The following NPTXR variants were observed in gnomAD, a reference collection of about 807,000 sequenced individuals.
NPTXR encodes the protein neuronal pentraxin receptor.
In NPTXR, 12 loss-of-function variants were observed where a neutral mutation model predicts 32.2. The observed-to-expected ratio is 0.37, with a 90% CI of 0.24 to 0.60. NPTXR has a LOEUF of 0.60. Among genes scored for constraint, NPTXR ranks in the 20% least tolerant of loss-of-function variants. NPTXR has a pLI of 0.66. For missense variants in NPTXR, 612 were observed against 682.9 expected (o/e 0.90, Z 1.16); for synonymous variants, 323 against 315.8 (o/e 1.02, Z -0.24).
Position 38,823,166 on chromosome 22 carries a change from C to A in NPTXR, c.1195G>T (p.Gly399Trp), listed in dbSNP as rs771367258. Residue 399 changes from glycine (G) to tryptophan (W), a missense_variant, in exon 4 of 5, where the codon GGG becomes TGG. Gly to Trp is a radical substitution (Grantham distance 184). Coordinates refer to ENST00000333039, the MANE Select transcript of NPTXR (RefSeq NM_014293.4). ...TTCTCACCGGAGCCCTGCAGCTCCC[C>A]GTCCTGGTAGGCAGACCATAGGCCA... is the stretch of plus-strand genomic sequence containing the variant. The A allele has an allele frequency of 3.1e-6, 5 of 1,614,076 alleles. No homozygotes were observed. Among genetic ancestry groups the A allele is most frequent in the Non-Finnish European group, 4.2e-6 (5 of 1,179,992 alleles).
chr22:38,828,548 G>A (rs367964384), intron 1 of NPTXR, 36 bp from the exon 2 acceptor site: 1 of 1,509,228 alleles, frequency 6.6e-7, no homozygotes, highest in Non-Finnish European at 9.0e-7. Context: ...ATCAACTGAG[G>A]GGAGGAAGGA....
intron 1 of NPTXR, among the ~76,000 whole-genome samples, chr22:38,829,292 A>G (rs1259396220): frequency 6.6e-6 from 1 of 152,128 alleles, no homozygotes; most frequent in Non-Finnish European, 1.5e-5. Flanking sequence ...GACATCCCCC[A>G]TCCAGCCCGG....
At chr22:38,830,819 G>C (rs2093114930) in intron 1 of NPTXR, among the ~76,000 whole-genome samples, 1 of 152,170 alleles carries the variant, frequency 6.6e-6, no homozygotes, top group South Asian at 2.1e-4. Flanking sequence ...TGGTCGTCCA[G>C]GCTGGCTCTG....
Position 38,843,784 on chromosome 22 carries a change from G to A in NPTXR, c.75C>T (p.Ser25=). The change falls in exon 1 of 5, where the codon AGC becomes AGT. Residue 25 remains serine (S), a synonymous_variant. Transcript: ENST00000333039. The surrounding 1 kb of genome is among the most constrained non-coding windows in gnomAD (Gnocchi z 5.3). Reference sequence around the variant, plus strand: ...GCGCCGGGCTGGCCGCCAGGGGCACGCTGGCGATGATGCAGATGACGGCAC... The same window carrying A: ...GCGCCGGGCTGGCCGCCAGGGGCACACTGGCGATGATGCAGATGACGGCAC... 8.0e-6 allele frequency: 8 copies of A among 995,786 alleles called. No homozygotes were observed. Among genetic ancestry groups the A allele is most frequent in the Admixed American group, 6.2e-5 (1 of 16,216 alleles). 61.7% of individuals were successfully genotyped at this position (995,786 alleles called of 1,614,324 possible). A position where few individuals can be genotyped will look rare whatever the true frequency, so the allele number is the denominator to read the frequency against.
intron 1 of NPTXR, among the ~76,000 whole-genome samples, chr22:38,835,215 G>A (rs556213083): frequency 8.5e-5 from 13 of 152,286 alleles, no homozygotes; most frequent in African/African-American, 2.6e-4. Context: ...CCCAGCTGGC[G>A]GTGCTCCCAG....
At chr22:38,837,008 G>T (rs1038818112) in intron 1 of NPTXR, among the ~76,000 whole-genome samples, 10 of 152,116 alleles carry the variant, frequency 6.6e-5, no homozygotes, top group Non-Finnish European at 1.3e-4. Flanking sequence ...TAGAGATGAG[G>T]TTTCACCGTG....
At position 38,823,168 on chromosome 22, in the gene NPTXR, TCCTGGTAGGCAGA is replaced by T; in HGVS notation, c.1180_1192del (p.Ser394ThrfsTer56). 6.2e-7 allele frequency: 1 copy of T among 1,614,138 alleles called. No homozygotes were observed. Among genetic ancestry groups the T allele is most frequent in the Non-Finnish European group, 8.5e-7 (1 of 1,180,014 alleles). The stretch of plus-strand genomic sequence containing the variant: ...CTCACCGGAGCCCTGCAGCTCCCCG[TCCTGGTAGGCAGA>T]CCATAGGCCATCCCTTGTGGTCCAG... On this transcript the variant is annotated frameshift_variant, in exon 4 of 5. Coordinates refer to ENST00000333039, the MANE Select transcript of NPTXR (RefSeq NM_014293.4). LOFTEE classifies it high-confidence loss of function.
chr22:38,828,454 G>A lies in NPTXR; in HGVS notation c.683C>T (p.Pro228Leu). Residue 228 changes from proline (P) to leucine (L), a missense_variant, in exon 2 of 5, where the codon CCC (proline) becomes CTC (leucine). Transcript: ENST00000333039. ...GTCCATCTTGGAGTGTAGGCCGGTG[G>A]GCACAGCAGAGACTGGGGCTGGGGC... 2 of 1,607,164 alleles carry A rather than the reference G, an allele frequency of 1.2e-6. No individual in the cohort carries two copies. Among genetic ancestry groups the A allele is most frequent in the Non-Finnish European group, 1.7e-6 (2 of 1,177,582 alleles).
intron 1 of NPTXR, among the ~76,000 whole-genome samples, chr22:38,835,762 C>A (rs568271303): frequency 3.9e-5 from 6 of 152,314 alleles, no homozygotes; most frequent in African/African-American, 1.4e-4. Flanking sequence ...TTGACTCAGC[C>A]TCTGTGGCTG....
chr22:38,839,594 A>C (rs538311733), intron 1 of NPTXR, among the ~76,000 whole-genome samples: 15 of 152,272 alleles, frequency 9.9e-5, no homozygotes, highest in African/African-American at 3.6e-4. Context: ...GCAATGAGCC[A>C]AGATTGCGCC....
chr22:38,842,098 G>A (rs2093132490), intron 1 of NPTXR, among the ~76,000 whole-genome samples: 1 of 152,234 alleles, frequency 6.6e-6, no homozygotes, highest in Non-Finnish European at 1.5e-5. Flanking sequence ...CCTCAGCCTT[G>A]TGAGTGGGCA....
chr22:38,836,763 T>A (rs1028465960), intron 1 of NPTXR, among the ~76,000 whole-genome samples: 1 of 152,194 alleles, frequency 6.6e-6, no homozygotes, highest in African/African-American at 2.4e-5. Context: ...CTCTTCCGTA[T>A]CTTGAATGTA....
At chr22:38,825,801 A>G (rs1016126019) in intron 3 of NPTXR, among the ~76,000 whole-genome samples, 1 of 149,622 alleles carries the variant, frequency 6.7e-6, no homozygotes, top group African/African-American at 2.5e-5. Context: ...TCCTCCCTCC[A>G]TCCCCAGGTA....
intron 1 of NPTXR, among the ~76,000 whole-genome samples, chr22:38,832,547 G>C (rs890930049): frequency 2.6e-5 from 4 of 152,240 alleles, no homozygotes; most frequent in African/African-American, 9.6e-5. Context: ...AACGGCAGCA[G>C]CTGTCTCCAT....
intron 1 of NPTXR, among the ~76,000 whole-genome samples, chr22:38,829,159 T>C (rs1457806423): frequency 3.3e-5 from 5 of 152,208 alleles, no homozygotes; most frequent in African/African-American, 1.2e-4. Flanking sequence ...TCTGAACTTG[T>C]TTACTCAAAA....
At chr22:38,837,579 G>C (rs5757306) in intron 1 of NPTXR, among the ~76,000 whole-genome samples, 57,252 of 152,078 alleles carry the variant, frequency 0.38, 11,147 homozygotes, top group East Asian at 0.7. Flanking sequence ...ATAGTTCTGG[G>C]AGTGGGTGGA....
At chr22:38,831,347 C>T (rs907068477) in intron 1 of NPTXR, among the ~76,000 whole-genome samples, 2 of 152,048 alleles carry the variant, frequency 1.3e-5, no homozygotes, top group African/African-American at 4.8e-5. Context: ...GTTGAGGCTG[C>T]GGTGAGTCAT....
chr22:38,823,767 G>C (rs939348746), intron 3 of NPTXR, among the ~76,000 whole-genome samples: 1 of 152,172 alleles, frequency 6.6e-6, no homozygotes, highest in Admixed American at 6.5e-5. Context: ...GTCAGACAAG[G>C]GATGACAAGT....
rs1246254758 is a variant in NPTXR at position 38,843,364 on chromosome 22, C to T, written c.495G>A (p.Leu165=). 6.4e-6 allele frequency: 9 copies of T among 1,410,656 alleles called. No homozygotes were observed. The Admixed American group carries it at 1.0e-4, about 16-fold the overall frequency. The allele number at this position is 1,410,656 out of a possible 1,614,324, so 87.4% of individuals were successfully genotyped here. Residue 165 remains leucine (L), a synonymous_variant, in exon 1 of 5, where the codon CTG becomes CTA. Coordinates refer to ENST00000333039, the MANE Select transcript of NPTXR (RefSeq NM_014293.4). This position sits in a 1 kb window ranked among gnomAD's most constrained non-coding sequence, Gnocchi z 5.3. ...GCCCGGCGCCCTGGAGGCCGCGCGG[C>T]AGGCCGCTCTCGCAGCGGCCCAGCT...
Sources: gnomAD v4.1 joint callset for allele counts (sites outside exome capture counted in the v4.1 genomes callset) on GRCh38, gnomAD v4.1.1 for gene constraint, Gnocchi (gnomAD v3.1) non-coding constraint, MANE v1.5 for transcripts, NCBI Gene and HGNC (gene_info 2026-07-23, HGNC 2026-07-21) for gene names.